The following ZNF718 variants were observed in gnomAD, a reference collection of about 807,000 sequenced individuals.
ZNF718 encodes the protein zinc finger protein 718.
A neutral mutation model predicts 2.6 loss-of-function variants in ZNF718; 3 were observed. The ratio of observed to expected loss-of-function variants is 1.16; its 90% CI spans 0.53 to 3.01. The LOEUF is 3.01. Ranked by LOEUF, ZNF718 falls within the 30% of genes most tolerant of loss-of-function variation. The pLI is 0.03. For synonymous variants in ZNF718, 135 were observed against 77.9 expected (o/e 1.73, Z -3.86); for missense variants, 468 against 230.0 (o/e 2.03, Z -6.69).
intron 3 of ZNF718, among the ~76,000 whole-genome samples, chr4:135,442 A>G (rs139107820): frequency 2.6e-5 from 4 of 151,754 alleles, no homozygotes; most frequent in African/African-American, 9.7e-5. Flanking sequence ...TTAAGCAGGG[A>G]TAGTGTTTCT....
At chr4:125,448 A>T (rs1177701430) in intron 1 of ZNF718, among the ~76,000 whole-genome samples, 8 of 152,176 alleles carry the variant, frequency 5.3e-5, no homozygotes, top group African/African-American at 1.4e-4. Context: ...TTGTGGGGTC[A>T]GCGCTGACTC....
At chr4:126,571 A>C (rs1560106928) in intron 1 of ZNF718, among the ~76,000 whole-genome samples, 1 of 152,122 alleles carries the variant, frequency 6.6e-6, no homozygotes, top group East Asian at 1.9e-4. Flanking sequence ...AAGATGTGGG[A>C]AGTTTATTTT....
chr4:149,076 C>T (rs1163974665), intron 3 of ZNF718, among the ~76,000 whole-genome samples: 1 of 152,182 alleles, frequency 6.6e-6, no homozygotes, highest in Non-Finnish European at 1.5e-5. Context: ...ATTTTCATAA[C>T]TAGAAGTTGT....
At chr4:170,912 C>G (rs1265616162) in intron 3 of ZNF718, among the ~76,000 whole-genome samples, 2 of 152,142 alleles carry the variant, frequency 1.3e-5, no homozygotes, top group Non-Finnish European at 2.9e-5. Flanking sequence ...CTTTGGAGGG[C>G]AGAGGCACTC....
intron 3 of ZNF718, among the ~76,000 whole-genome samples, chr4:189,755 G>A (rs973626147): frequency 6.6e-6 from 1 of 152,134 alleles, no homozygotes; most frequent in African/African-American, 2.4e-5. Flanking sequence ...ATTAGCTGTT[G>A]ATTTTTTATA....
chr4:160,626 G>A (rs563704210), intron 3 of ZNF718, among the ~76,000 whole-genome samples: 1 of 152,050 alleles, frequency 6.6e-6, no homozygotes, highest in Non-Finnish European at 1.5e-5. Flanking sequence ...CTTGGCTGAT[G>A]GAAGCCTCTA....
chr4:169,814 G>C (rs1717179652), intron 3 of ZNF718, among the ~76,000 whole-genome samples: 1 of 152,082 alleles, frequency 6.6e-6, no homozygotes, highest in South Asian at 2.1e-4. Flanking sequence ...TTGCCAGTCT[G>C]TGTCTTTTAA....
At chr4:142,053 A>G in intron 3 of ZNF718, 3 of 520,008 alleles carry the variant, frequency 5.8e-6, no homozygotes, top group Non-Finnish European at 1.2e-5. Context: ...CTTGCCACCC[A>G]CACTACAACA....
chr4:152,035 G>A (rs1434666737), intron 3 of ZNF718, among the ~76,000 whole-genome samples: 3 of 147,226 alleles, frequency 2.0e-5, no homozygotes, highest in Non-Finnish European at 3.0e-5. Flanking sequence ...ACAATGTAAA[G>A]GATTAAGTGC....
chr4:163,648 G>A lies in ZNF718; in HGVS notation c.*1526G>A, dbSNP rs1717004522. The A allele has an allele frequency of 1.3e-5, 2 of 151,972 alleles. No homozygotes were observed. Among genetic ancestry groups the A allele is most frequent in the African/African-American group, 4.8e-5 (2 of 41,376 alleles). The allele number at this position is 151,972 out of a possible 1,614,324, so 9.4% of individuals were successfully genotyped here. A position where few individuals can be genotyped will look rare whatever the true frequency, so the allele number is the denominator to read the frequency against. On this transcript the variant is annotated 3_prime_UTR_variant, in exon 4 of 4. Transcript: ENST00000510175. ...TAGTAATAAATTGCTTTTACCAGTT[G>A]CACATTTATGTAATAAAATACAGTA...
At chr4:141,906 T>C (rs1715828000) in intron 3 of ZNF718, 1 of 388,742 alleles carries the variant, frequency 2.6e-6, no homozygotes, top group South Asian at 1.9e-5. Flanking sequence ...TCAGTTGTTA[T>C]TTTCAATGCA....
intron 3 of ZNF718, among the ~76,000 whole-genome samples, chr4:133,342 A>G (rs537727081): frequency 2.0e-5 from 3 of 151,988 alleles, no homozygotes; most frequent in African/African-American, 7.2e-5. Context: ...AGGGTTGGCC[A>G]CCACTGATTT....
rs782096989 is a variant in ZNF718, at chr4:161,062, G to T, written c.377G>T (p.Gly126Val). 39 of 779,558 alleles carry T rather than the reference G, an allele frequency of 5.0e-5. 1 individual carries two copies. Among genetic ancestry groups the T allele is most frequent in the Non-Finnish European group, 8.4e-5 (35 of 417,318 alleles). 48.3% of individuals were successfully genotyped at this position (779,558 alleles called of 1,614,324 possible). A position where few individuals can be genotyped will look rare whatever the true frequency, so the allele number is the denominator to read the frequency against. ...KSINECKVQK[G>V]GYNRINQCLL... is the part of the protein sequence containing the mutation. ...ATAAATGAGTGTAAGGTGCAGAAAG[G>T]TGGTTATAATAGAATTAACCAATGC... The change falls in exon 4 of 4, where the codon GGT becomes GTT. Residue 126 changes from glycine (G) to valine (V), a missense_variant. Transcript: ENST00000510175.
Position 124,574 on chromosome 4 carries a change from C to T in ZNF718, c.-97C>T. 1 of 1,549,310 alleles carries T rather than the reference C, an allele frequency of 6.5e-7. No individual in the cohort carries two copies. The highest frequency in any genetic ancestry group is 8.8e-7 in the Non-Finnish European group (1 of 1,135,260). ...CTGCTCCCGCTCCTTAGGGAAGCCT[C>T]GGTGATTCTGCCACAGCCTCAGCCT... is the stretch of plus-strand genomic sequence containing the variant. On this transcript the variant is annotated 5_prime_UTR_variant, in exon 1 of 4. Coordinates refer to ENST00000510175, the MANE Select transcript of ZNF718 (RefSeq NM_001039127.6).
rs551675017 is a variant in ZNF718 at position 157,338 on chromosome 4, TC to T, written c.227-3571del. ...CATGTTGGTCAGGCTGGTCTTGAGC[TC>T]CCAACCTCAGGTGATCCACCCACCT... On this transcript the variant is annotated intron_variant, in intron 3 of 3. Transcript: ENST00000510175. Among the ~76,000 whole-genome samples, 689 of 152,166 alleles carry T rather than the reference TC, an allele frequency of 4.5e-3. 6 individuals are homozygous for T. The highest frequency in any genetic ancestry group is 0.024 in the Middle Eastern group (7 of 294).
Position 194,563 on chromosome 4 carries a change from A to G in ZNF718, c.227-6518A>G, listed in dbSNP as rs913908105. 2.0e-5 allele frequency among the ~76,000 whole-genome samples: 3 copies of G among 152,192 alleles called. No individual in the cohort carries two copies. The East Asian group carries it at 5.8e-4, about 29-fold the overall frequency. ...AGAGATCGCCAAACTCTCAGGCTAC[A>G]GTTATGGTGGCACTTCTCTCATTTG... On this transcript the variant is annotated intron_variant and NMD_transcript_variant, in intron 3 of 4. Coordinates refer to the ZNF718 transcript ENST00000642529.
intron 3 of ZNF718, among the ~76,000 whole-genome samples, chr4:153,657 A>C (rs1716437497): frequency 1.3e-5 from 2 of 152,126 alleles, no homozygotes; most frequent in African/African-American, 4.8e-5. Flanking sequence ...TTGAGGATGC[A>C]GAAGCAGCAT....
chr4:153,278 ATTT>A (rs1307297742), intron 3 of ZNF718, among the ~76,000 whole-genome samples: 9 of 152,008 alleles, frequency 5.9e-5, no homozygotes, highest in African/African-American at 1.9e-4. Flanking sequence ...TCATCTGTCT[ATTT>A]TTATGCCAGA....
chr4:149,155 T>A (rs1426572470), intron 3 of ZNF718, among the ~76,000 whole-genome samples: 1 of 152,232 alleles, frequency 6.6e-6, no homozygotes, highest in Non-Finnish European at 1.5e-5. Flanking sequence ...TTCTGATATG[T>A]TCTATGCCAA....
Sources: gnomAD v4.1 joint callset for allele counts (sites outside exome capture counted in the v4.1 genomes callset) on GRCh38, gnomAD v4.1.1 for gene constraint, MANE v1.5 for transcripts, NCBI Gene and HGNC (gene_info 2026-07-23, HGNC 2026-07-21) for gene names.